ERC2: variants seen among roughly 807,000 people sequenced by gnomAD.
The protein encoded by ERC2 is ERC protein 2.
ERC2 carries 42 observed loss-of-function variants against 114.8 expected under a neutral mutation model. The observed-to-expected ratio is 0.37, with a 90% CI of 0.29 to 0.47. The LOEUF (loss-of-function observed/expected upper bound fraction) is 0.47, where lower values mean the gene tolerates loss of function less well. Ranked by LOEUF, ERC2 falls within the 20% of genes least tolerant of loss-of-function variation. The pLI is 0.99. For synonymous variants in ERC2, 454 were observed against 425.5 expected (o/e 1.07, Z -0.82); for missense variants, 939 against 1,150.7 (o/e 0.82, Z 2.66).
chr3:56,256,729 C>T (rs1220839614), intron 3 of ERC2, among the ~76,000 whole-genome samples: 4 of 152,074 alleles, frequency 2.6e-5, no homozygotes, highest in African/African-American at 4.8e-5. Context: ...GGCAATTTCC[C>T]CCATGTGGTT....
chr3:56,430,704 G>A (rs190582201), intron 2 of ERC2, among the ~76,000 whole-genome samples: 217 of 152,232 alleles, frequency 1.4e-3, no homozygotes, highest in Non-Finnish European at 2.1e-3. Flanking sequence ...TGGGAGGAGC[G>A]ATTGAGCCCA....
At chr3:55,926,424 A>AAAC (rs1553737474) in intron 13 of ERC2, among the ~76,000 whole-genome samples, 1 of 151,462 alleles carries the variant, frequency 6.6e-6, no homozygotes, top group South Asian at 2.1e-4. Flanking sequence ...TTAAAAAAAA[A>AAAC]AAAACTAAAA....
intron 10 of ERC2, among the ~76,000 whole-genome samples, chr3:55,995,006 A>C (rs1914864): frequency 4.6e-5 from 7 of 152,066 alleles, no homozygotes; most frequent in Admixed American, 2.0e-4. Flanking sequence ...TATTAACAGA[A>C]CACACTTCAA....
At chr3:55,846,030 G>A (rs1016655582) in intron 14 of ERC2, among the ~76,000 whole-genome samples, 4 of 152,212 alleles carry the variant, frequency 2.6e-5, no homozygotes, top group African/African-American at 4.8e-5. Flanking sequence ...CGGTACATGT[G>A]CAGTTTCGTT....
chr3:55,597,171 A>G (rs1232459707), intron 17 of ERC2, among the ~76,000 whole-genome samples: 1 of 152,224 alleles, frequency 6.6e-6, no homozygotes, highest in African/African-American at 2.4e-5. Flanking sequence ...CTGTAATCCC[A>G]GCACTTTGGG....
At chr3:55,766,957 C>T (rs2067838964) in intron 14 of ERC2, among the ~76,000 whole-genome samples, 1 of 152,188 alleles carries the variant, frequency 6.6e-6, no homozygotes, top group Non-Finnish European at 1.5e-5. Context: ...TTCTTCCTGC[C>T]ACCTGTGTTT....
At chr3:56,179,191 G>A (rs995711431) in intron 3 of ERC2, among the ~76,000 whole-genome samples, 3 of 152,142 alleles carry the variant, frequency 2.0e-5, no homozygotes, top group Non-Finnish European at 4.4e-5. Flanking sequence ...TTCATCTAAC[G>A]GAAACGAGGG....
chr3:56,347,665 G>A (rs1050951718), intron 2 of ERC2, among the ~76,000 whole-genome samples: 2 of 152,212 alleles, frequency 1.3e-5, no homozygotes, highest in Admixed American at 1.3e-4. Context: ...AACTCTCAGA[G>A]GTCTGGGTAC....
intron 16 of ERC2, among the ~76,000 whole-genome samples, chr3:55,693,252 A>G (rs769727314): frequency 1.1e-4 from 17 of 152,230 alleles, no homozygotes; most frequent in Admixed American, 2.0e-4. Flanking sequence ...AGAATGCAAT[A>G]GGGAAAACCT....
At chr3:55,659,916 T>C (rs1438417192) in intron 17 of ERC2, among the ~76,000 whole-genome samples, 1 of 151,948 alleles carries the variant, frequency 6.6e-6, no homozygotes, top group Non-Finnish European at 1.5e-5. Flanking sequence ...GTCTCTCCCA[T>C]ATTTGCTCTA....
chr3:56,080,180 CAG>C (rs1219460257), intron 7 of ERC2, among the ~76,000 whole-genome samples: 1 of 152,116 alleles, frequency 6.6e-6, no homozygotes, highest in Non-Finnish European at 1.5e-5. Context: ...AAACTATATA[CAG>C]TAGCAAACAG....
At chr3:56,180,653 T>G (rs1182564929) in intron 3 of ERC2, among the ~76,000 whole-genome samples, 1 of 152,122 alleles carries the variant, frequency 6.6e-6, no homozygotes, top group African/African-American at 2.4e-5. Context: ...GGGGTGGTGA[T>G]AGGCAGAAAT....
intron 2 of ERC2, among the ~76,000 whole-genome samples, chr3:56,304,108 GA>G (rs1252406809): frequency 6.6e-6 from 1 of 151,996 alleles, no homozygotes; most frequent in Non-Finnish European, 1.5e-5. Context: ...ATCTGAAAAA[GA>G]ATAAAAATAT....
At chr3:55,512,462 C>A (rs1344673151) in intron 17 of ERC2, among the ~76,000 whole-genome samples, 1 of 152,214 alleles carries the variant, frequency 6.6e-6, no homozygotes, top group African/African-American at 2.4e-5. Context: ...CTTTCTGTTT[C>A]ATGAGCTGTG....
intron 17 of ERC2, among the ~76,000 whole-genome samples, chr3:55,675,188 T>A (rs928954511): frequency 3.9e-5 from 6 of 152,216 alleles, no homozygotes; most frequent in African/African-American, 1.4e-4. Flanking sequence ...ATTTACATTA[T>A]ATTTCCCAGA....
chr3:56,271,224 A>G (rs1459565550), intron 3 of ERC2, among the ~76,000 whole-genome samples: 1 of 152,098 alleles, frequency 6.6e-6, no homozygotes, highest in African/African-American at 2.4e-5. Context: ...TTTTCCCAGG[A>G]TTTCCCCAGC....
At chr3:55,529,587 C>T (rs1413538992) in intron 17 of ERC2, among the ~76,000 whole-genome samples, 1 of 152,150 alleles carries the variant, frequency 6.6e-6, no homozygotes, top group Non-Finnish European at 1.5e-5. Context: ...AATTTATAAT[C>T]ACCCTGAAAA....
intron 2 of ERC2, among the ~76,000 whole-genome samples, chr3:56,355,682 A>G (rs147087566): frequency 2.1e-3 from 313 of 152,280 alleles, no homozygotes; most frequent in African/African-American, 6.7e-3. Flanking sequence ...CCTCCATCCA[A>G]TGAATTTTGT....
intron 15 of ERC2, among the ~76,000 whole-genome samples, chr3:55,715,783 C>G (rs909038017): frequency 3.3e-5 from 5 of 152,178 alleles, no homozygotes; most frequent in Admixed American, 6.5e-5. Flanking sequence ...CCAAGGATCT[C>G]TCAGACTCTG....
Sources: allele counts gnomAD v4.1 joint callset (sites outside exome capture counted in the v4.1 genomes callset), GRCh38; gene constraint gnomAD v4.1.1; transcripts MANE v1.5; gene names NCBI Gene and HGNC (gene_info 2026-07-23, HGNC 2026-07-21).